DSCAM: variants seen among roughly 807,000 people sequenced by gnomAD.
The protein encoded by DSCAM is DS cell adhesion molecule.
A neutral mutation model predicts 217.7 loss-of-function variants in DSCAM; 47 were observed. The ratio of observed to expected loss-of-function variants is 0.22; its 90% CI spans 0.17 to 0.28. The LOEUF (loss-of-function observed/expected upper bound fraction) is 0.28, where lower values mean the gene tolerates loss of function less well. DSCAM is among the 10% of genes least tolerant of loss of function. DSCAM has a pLI of 1.00. For synonymous variants in DSCAM, 1,056 were observed against 1,015.3 expected (o/e 1.04, Z -0.76); for missense variants, 2,080 against 2,618.3 (o/e 0.79, Z 4.49).
At chr21:40,400,013 G>A (rs1490485079) in intron 3 of DSCAM, among the ~76,000 whole-genome samples, 1 of 152,108 alleles carries the variant, frequency 6.6e-6, no homozygotes, top group Non-Finnish European at 1.5e-5. Flanking sequence ...CAGAATCCTA[G>A]AGGAAAAACA....
chr21:40,144,556 T>C lies in DSCAM; in HGVS notation c.3194A>G (p.Gln1065Arg), dbSNP rs1273496077. 1 of 1,614,204 alleles carries C rather than the reference T, an allele frequency of 6.2e-7. No homozygotes were observed. Among genetic ancestry groups the C allele is most frequent in the Non-Finnish European group, 8.5e-7 (1 of 1,180,042 alleles). The change falls in exon 17 of 33, where the codon CAG (glutamine) becomes CGG (arginine). Residue 1065 changes from glutamine to arginine, a missense_variant. Physicochemically the swap from Gln to Arg is conservative, Grantham distance 43. Coordinates refer to ENST00000400454, the MANE Select transcript of DSCAM (RefSeq NM_001389.5). The surrounding 1 kb of genome is among the most constrained non-coding windows in gnomAD (Gnocchi z 4.8). ...NKFTQYGLVV[Q>R]ACNRAGTGPS... Reference sequence around the variant, plus strand: ...CCCCGTGCCGGCCCGGTTACAGGCCTGCACCACCAGGCCGTACTGAGTGAA... The same window carrying C: ...CCCCGTGCCGGCCCGGTTACAGGCCCGCACCACCAGGCCGTACTGAGTGAA...
At chr21:40,031,290 C>T (rs191881534) in intron 32 of DSCAM, among the ~76,000 whole-genome samples, 81 of 142,270 alleles carry the variant, frequency 5.7e-4, no homozygotes, top group African/African-American at 2.0e-3. Flanking sequence ...AGGAAGCTCC[C>T]AGATTCCAGC....
chr21:40,632,117 G>A (rs1459436435), intron 3 of DSCAM, among the ~76,000 whole-genome samples: 1 of 152,212 alleles, frequency 6.6e-6, no homozygotes, highest in East Asian at 1.9e-4. Context: ...GGCCTCCAAA[G>A]AGCTATGCTG....
rs560233100 is a variant in DSCAM at position 40,446,140 on chromosome 21, A to G, written c.509-76895T>C. Among the ~76,000 whole-genome samples the G allele has an allele frequency of 1.6e-4, 25 of 152,336 alleles. 1 individual carries two copies. In the South Asian group the frequency reaches 4.3e-3, roughly 26 times the overall value. ...AAGAAGTGATGTCAAGAATACCTAAAAGCTATTTAAGTTTAAATAGTAATT... is the reference window on the plus strand; with the variant it reads ...AAGAAGTGATGTCAAGAATACCTAAGAGCTATTTAAGTTTAAATAGTAATT... On this transcript the variant is annotated intron_variant, in intron 3 of 32. Transcript: ENST00000400454.
chr21:40,283,936 T>G (rs1457293733), intron 10 of DSCAM, among the ~76,000 whole-genome samples: 1 of 149,478 alleles, frequency 6.7e-6, no homozygotes, highest in Non-Finnish European at 1.5e-5. Flanking sequence ...ACCAATGGTT[T>G]GCACAATGGT....
chr21:40,334,725 ACAACCT>A lies in DSCAM; in HGVS notation c.1783+3370_1783+3375del, dbSNP rs976010852. On this transcript the variant is annotated intron_variant, in intron 8 of 32. Transcript: ENST00000400454. ...GGTGCAAATATAGTGCACCACAACC[ACAACCT>A]CAAACTACTAGACTGGAAGTATTCT... Among the ~76,000 whole-genome samples the A allele has an allele frequency of 4.4e-4, 56 of 127,654 alleles. 1 individual carries two copies. In the East Asian group the frequency reaches 0.013, roughly 29 times the overall value. The allele number at this position is 127,654 out of a possible 152,430, so 83.7% of individuals were successfully genotyped here. A position where few individuals can be genotyped will look rare whatever the true frequency, so the allele number is the denominator to read the frequency against.
chr21:40,610,306 C>A (rs1206872104), intron 3 of DSCAM, among the ~76,000 whole-genome samples: 1 of 152,206 alleles, frequency 6.6e-6, no homozygotes, highest in Non-Finnish European at 1.5e-5. Context: ...CTGCACCCAG[C>A]CGTTGTGGAC....
At chr21:40,712,704 C>T (rs8129663) in intron 1 of DSCAM, among the ~76,000 whole-genome samples, 3,557 of 151,954 alleles carry the variant, frequency 0.023, 66 homozygotes, top group African/African-American at 0.041. Context: ...TATAATGTAA[C>T]CTTTTGAAGT....
intron 14 of DSCAM, among the ~76,000 whole-genome samples, chr21:40,186,354 C>A (rs1216709848): frequency 3.3e-5 from 5 of 152,138 alleles, no homozygotes; most frequent in Admixed American, 6.5e-5. Flanking sequence ...GCTTTTGCGG[C>A]CTAGAAGGAT....
chr21:40,571,091 GA>G lies in DSCAM; in HGVS notation c.508+121718del, dbSNP rs556713622. Among the ~76,000 whole-genome samples the G allele has an allele frequency of 3.9e-3, 582 of 148,214 alleles. 3 individuals are homozygous for G. The highest frequency in any genetic ancestry group is 2.5e-3 in the Non-Finnish European group (168 of 66,806). On this transcript the variant is annotated intron_variant, in intron 3 of 32. Transcript: ENST00000400454. ...GGTACATCAGAGGTGAACCTTAAAA[GA>G]AAAAAAAATTGAAAAGAAATCTTAA... is the stretch of plus-strand genomic sequence containing the variant.
intron 11 of DSCAM, among the ~76,000 whole-genome samples, chr21:40,258,388 T>A (rs1463465496): frequency 6.6e-6 from 1 of 152,166 alleles, no homozygotes; most frequent in Admixed American, 6.5e-5. Context: ...CCAACTAAGA[T>A]AACAGTTGCA....
chr21:40,482,599 C>T (rs1171163482), intron 3 of DSCAM, among the ~76,000 whole-genome samples: 1 of 152,192 alleles, frequency 6.6e-6, no homozygotes, highest in Non-Finnish European at 1.5e-5. Context: ...GAAATCACTA[C>T]ATTTTCATAC....
intron 3 of DSCAM, among the ~76,000 whole-genome samples, chr21:40,488,466 G>T (rs374809896): frequency 6.6e-6 from 1 of 152,180 alleles, no homozygotes. Flanking sequence ...AGAAACTGCT[G>T]AACTCTGAAG....
chr21:40,641,305 G>C (rs895918238), intron 3 of DSCAM, among the ~76,000 whole-genome samples: 1 of 152,180 alleles, frequency 6.6e-6, no homozygotes, highest in Admixed American at 6.5e-5. Flanking sequence ...GAAGCAGCTA[G>C]ATGAGTGTTA....
In DSCAM at chr21:40,296,019, T is replaced by C. The variant is rs377659807; in HGVS notation, c.2182+36A>G. 1.2e-5 allele frequency: 20 copies of C among 1,600,394 alleles called. No individual in the cohort carries two copies. The African/African-American group carries it at 2.0e-4, about 16-fold the overall frequency. On this transcript the variant is annotated intron_variant, in intron 10 of 32. Coordinates refer to ENST00000400454, the MANE Select transcript of DSCAM (RefSeq NM_001389.5). ...CTAATCCTTTAGAACATAGCAAATGTTTGACAGGTAACAAGTAGATCAAGT... is the reference window on the plus strand; with the variant it reads ...CTAATCCTTTAGAACATAGCAAATGCTTGACAGGTAACAAGTAGATCAAGT...
At chr21:40,772,172 G>GT (rs1048469394) in intron 1 of DSCAM, among the ~76,000 whole-genome samples, 7 of 152,058 alleles carry the variant, frequency 4.6e-5, no homozygotes, top group African/African-American at 1.2e-4. Flanking sequence ...ATTTGTTTCT[G>GT]TTTTTTTCTT....
intron 1 of DSCAM, among the ~76,000 whole-genome samples, chr21:40,824,159 C>A (rs1454731998): frequency 1.3e-5 from 2 of 152,074 alleles, no homozygotes; most frequent in Non-Finnish European, 2.9e-5. Context: ...GGTCAGTACC[C>A]AGCCGCCATC....
intron 3 of DSCAM, among the ~76,000 whole-genome samples, chr21:40,466,014 CT>C (rs1944888500): frequency 6.6e-6 from 1 of 152,124 alleles, no homozygotes; most frequent in Admixed American, 6.6e-5. Flanking sequence ...CTCAAAAAGA[CT>C]GTGAAACATG....
At chr21:40,593,452 A>G (rs369188692) in intron 3 of DSCAM, among the ~76,000 whole-genome samples, 3 of 151,990 alleles carry the variant, frequency 2.0e-5, no homozygotes, top group African/African-American at 7.2e-5. Flanking sequence ...CAGCCTCTCG[A>G]GTAGCTGGGT....
Sources: allele counts gnomAD v4.1 joint callset (sites outside exome capture counted in the v4.1 genomes callset), GRCh38; gene constraint gnomAD v4.1.1; non-coding constraint Gnocchi (gnomAD v3.1); transcripts MANE v1.5; gene names NCBI Gene and HGNC (gene_info 2026-07-23, HGNC 2026-07-21).